Variants in ABCG1 observed in about 807,000 individuals in gnomAD.
ABCG1 encodes the protein ATP binding cassette subfamily G member 1.
A neutral mutation model predicts 69.2 loss-of-function variants in ABCG1; 29 were observed. The observed-to-expected ratio is 0.42, with a 90% CI of 0.31 to 0.57. ABCG1 has a LOEUF of 0.57. Ranked by LOEUF, ABCG1 falls within the 20% of genes least tolerant of loss-of-function variation. ABCG1 has a pLI of 0.15. For synonymous variants in ABCG1, 370 were observed against 374.8 expected, an observed-to-expected ratio of 0.99 and a Z score of 0.15; for missense variants, 718 against 898.1, an observed-to-expected ratio of 0.80 and a Z score of 2.56.
intron 14 of ABCG1, chr21:42,295,193 C>CGCG (rs562087851): frequency 1.3e-5 from 2 of 154,118 alleles, no homozygotes; most frequent in African/African-American, 4.8e-5. Context: ...CTTGGTGGCG[C>CGCG]GCGACTGTAA....
At position 42,208,281 on chromosome 21, in the gene ABCG1, A is replaced by C. The variant is rs143448582; in HGVS notation, c.48+6558A>C. Among the ~76,000 whole-genome samples the C allele has an allele frequency of 2.7e-3, 403 of 149,438 alleles. 4 individuals carry two copies. Among genetic ancestry groups the C allele is most frequent in the African/African-American group, 9.8e-3 (392 of 39,906 alleles). On this transcript the variant is annotated intron_variant, in intron 2 of 15. Coordinates refer to the ABCG1 transcript ENST00000398457. ...CATTTCCAGGTTTTCAGCTTCTTCAACTCAAACTCTGGGACATATGATGCA... is the reference window on the plus strand; with the variant it reads ...CATTTCCAGGTTTTCAGCTTCTTCACCTCAAACTCTGGGACATATGATGCA...
rs149641011 is a variant in ABCG1, at chr21:42,240,607, C to T, written c.286+14693C>T. On this transcript the variant is annotated intron_variant, in intron 2 of 14. Coordinates refer to ENST00000398449, the MANE Select transcript of ABCG1 (RefSeq NM_016818.3). ...CTGGGATTACAGGCGCCCATCACAC[C>T]CGGCTAATTTTTGTGTTTTTAGTAG... Among the ~76,000 whole-genome samples the T allele has an allele frequency of 3.8e-3, 576 of 152,324 alleles. 2 individuals are homozygous for T. Among genetic ancestry groups the T allele is most frequent in the African/African-American group, 0.013 (541 of 41,570 alleles).
chr21:42,233,069 T>G (rs2067923842), intron 2 of ABCG1, among the ~76,000 whole-genome samples: 1 of 152,212 alleles, frequency 6.6e-6, no homozygotes, highest in African/African-American at 2.4e-5. Context: ...GCCGACTGTT[T>G]TTGCTCACAT....
chr21:42,254,798 C>G (rs1024907756), intron 2 of ABCG1, among the ~76,000 whole-genome samples: 4 of 152,182 alleles, frequency 2.6e-5, no homozygotes, highest in Admixed American at 2.6e-4. Flanking sequence ...CAAGACAGCC[C>G]GTTCTGAGCA....
At chr21:42,264,431 A>G (rs2068466861) in intron 2 of ABCG1, among the ~76,000 whole-genome samples, 1 of 152,056 alleles carries the variant, frequency 6.6e-6, no homozygotes, top group African/African-American at 2.4e-5. Flanking sequence ...CTGTCCATCC[A>G]TCCATCCGTC....
upstream of ABCG1, chr21:42,216,105 A>G (rs2067636366): frequency 2.2e-6 from 1 of 449,716 alleles, no homozygotes; most frequent in Non-Finnish European, 4.4e-6. Flanking sequence ...TCCCTGCACA[A>G]GCTCTCTCTC....
At chr21:42,272,922 G>A (rs2068641603) in intron 3 of ABCG1, among the ~76,000 whole-genome samples, 2 of 152,220 alleles carry the variant, frequency 1.3e-5, no homozygotes, top group Non-Finnish European at 2.9e-5. Context: ...TTGTTCAGAA[G>A]CCAACGTTAC....
At chr21:42,267,198 G>A (rs1037067249) in intron 2 of ABCG1, among the ~76,000 whole-genome samples, 19 of 152,354 alleles carry the variant, frequency 1.2e-4, no homozygotes, top group Non-Finnish European at 5.9e-5. Context: ...GGCCCTGCCC[G>A]CCTAGCGCTC....
upstream of ABCG1, among the ~76,000 whole-genome samples, chr21:42,212,848 C>G (rs550479798): frequency 3.9e-5 from 6 of 152,074 alleles, no homozygotes; most frequent in Non-Finnish European, 8.8e-5. Flanking sequence ...TGCCCGCTAC[C>G]ATGCCCGGCT....
At chr21:42,222,222 A>G (rs2067739594) in intron 1 of ABCG1, among the ~76,000 whole-genome samples, 1 of 151,968 alleles carries the variant, frequency 6.6e-6, no homozygotes, top group African/African-American at 2.4e-5. Flanking sequence ...CTAAGGAGAA[A>G]CTCGCTGTAA....
rs1183517157 is a variant in ABCG1, at chr21:42,225,756, C to G, written c.128C>G (p.Ala43Gly). 1 of 1,613,788 alleles carries G rather than the reference C, an allele frequency of 6.2e-7. No homozygotes were observed. The highest frequency in any genetic ancestry group is 1.1e-5 in the South Asian group (1 of 91,034). The change falls in exon 2 of 15, where the codon GCC becomes GGC. Residue 43 changes from alanine to glycine, a missense_variant. This residue lies in a region of ABCG1 where 514 missense variants were observed against 574.3 expected (regional missense o/e 0.90). Transcript: ENST00000398449. ...GAGGTGGTGTCCAGCAACATGGAGG[C>G]CACTGAGACGGACCTGCTGAATGGA... ...VDEVVSSNME[A>G]TETDLLNGHL...
chr21:42,240,578 G>A (rs78427898), intron 2 of ABCG1, among the ~76,000 whole-genome samples: 11,923 of 152,222 alleles, frequency 0.078, 744 homozygotes, highest in African/African-American at 0.17. Context: ...AGCCTCCCAC[G>A]TAGCTGGGAT....
intron 2 of ABCG1, among the ~76,000 whole-genome samples, chr21:42,204,959 T>C (rs2067532160): frequency 6.6e-6 from 1 of 152,154 alleles, no homozygotes; most frequent in South Asian, 2.1e-4. Flanking sequence ...TTTTAAAATG[T>C]TTGATAGAAT....
At chr21:42,220,238 G>T (rs902799322) in intron 1 of ABCG1, among the ~76,000 whole-genome samples, 2 of 152,104 alleles carry the variant, frequency 1.3e-5, no homozygotes, top group Admixed American at 6.5e-5. Context: ...CGTATTCCAC[G>T]CCGTGTATCT....
At chr21:42,271,573 T>C (rs2068618115) in intron 3 of ABCG1, among the ~76,000 whole-genome samples, 1 of 152,140 alleles carries the variant, frequency 6.6e-6, no homozygotes, top group Non-Finnish European at 1.5e-5. Flanking sequence ...CTGGGGCTTG[T>C]GATGGTCTTA....
intron 2 of ABCG1, among the ~76,000 whole-genome samples, chr21:42,231,930 T>C (rs895814705): frequency 6.6e-6 from 1 of 152,236 alleles, no homozygotes; most frequent in African/African-American, 2.4e-5. Context: ...CCAGGCCACT[T>C]GCAGGGATGG....
At chr21:42,292,895 A>T (rs1457854661) in intron 13 of ABCG1, among the ~76,000 whole-genome samples, 1 of 139,808 alleles carries the variant, frequency 7.2e-6, no homozygotes, top group Non-Finnish European at 1.6e-5. Context: ...CTACACACAC[A>T]CCACACTACA....
chr21:42,206,997 GTT>G (rs1190044017), intron 2 of ABCG1: 7 of 151,222 alleles, frequency 4.6e-5, no homozygotes, highest in Non-Finnish European at 4.4e-5. Flanking sequence ...GTAAGGTATT[GTT>G]TCTCTCTCAT....
chr21:42,256,390 G>A, intron 2 of ABCG1: 1 of 1,550,222 alleles, frequency 6.5e-7, no homozygotes, highest in Non-Finnish European at 8.7e-7. Flanking sequence ...CCATTCTCTT[G>A]GCCAGACTGT....
Sources: gnomAD v4.1 joint callset for allele counts (sites outside exome capture counted in the v4.1 genomes callset) on GRCh38, gnomAD v4.1.1 for gene constraint, gnomAD v4.1.1 regional missense constraint, MANE v1.5 for transcripts, NCBI Gene and HGNC (gene_info 2026-07-23, HGNC 2026-07-21) for gene names.